Variants in LPP observed in about 807,000 individuals in gnomAD.
LPP encodes lipoma-preferred partner.
In LPP, 38 loss-of-function variants were observed where a neutral mutation model predicts 60.4. That is an observed-to-expected ratio of 0.63 (90% CI 0.49 to 0.83). LPP has a LOEUF of 0.83. Ranked by LOEUF, LPP falls within the 40% of genes least tolerant of loss-of-function variation. The pLI, the probability that LPP is intolerant of heterozygous loss-of-function variation, is 0.00. For synonymous variants in LPP, 328 were observed against 290.8 expected (o/e 1.13, Z -1.30); for missense variants, 902 against 783.6 (o/e 1.15, Z -1.80).
intron 7 of LPP, among the ~76,000 whole-genome samples, chr3:188,646,541 T>C (rs938415): frequency 0.93 from 141,734 of 152,266 alleles, 66,567 homozygotes; most frequent in East Asian, 1. Flanking sequence ...CTGAGGCCCG[T>C]AGGAGTCAGG....
At position 188,877,632 on chromosome 3, in the gene LPP, G is replaced by T; in HGVS notation, c.*3153G>T. 5.3e-6 allele frequency: 1 copy of T among 187,256 alleles called. No individual in the cohort carries two copies. The highest frequency in any genetic ancestry group is 1.1e-5 in the Non-Finnish European group (1 of 88,668). The allele number at this position is 187,256 out of a possible 1,614,324, so 11.6% of individuals were successfully genotyped here. ...AGGCTGAGACAGGAGGATTGCCTGAGGCCAGGAGTTTGACACCAGCCTGGG... is the reference window on the plus strand; with the variant it reads ...AGGCTGAGACAGGAGGATTGCCTGATGCCAGGAGTTTGACACCAGCCTGGG... On this transcript the variant is annotated 3_prime_UTR_variant, in exon 12 of 12. Coordinates refer to ENST00000617246, the MANE Select transcript of LPP (RefSeq NM_001375462.1).
At position 188,872,714 on chromosome 3, in the gene LPP, G is replaced by A. The variant is rs1467805710; in HGVS notation, c.1661G>A (p.Arg554His). The A allele has an allele frequency of 2.5e-6, 4 of 1,614,184 alleles. No individual in the cohort carries two copies. The highest frequency in any genetic ancestry group is 1.7e-5 in the Admixed American group (1 of 60,028). ...GCCCCGGGCCAGGAGGAGACTGTCC[G>A]TATTGTGGCTTTGGATCGAGATTTC... ...MPAPGQEETV[R>H]IVALDRDFHV... The change falls in exon 11 of 12, where the codon CGT (arginine) becomes CAT (histidine). Residue 554 changes from arginine (R) to histidine (H), a missense_variant. By Grantham distance (29) the Arg-to-His change is conservative. Transcript: ENST00000617246.
intron 9 of LPP, among the ~76,000 whole-genome samples, chr3:188,760,678 C>T (rs1374167918): frequency 6.6e-6 from 1 of 152,132 alleles, no homozygotes; most frequent in African/African-American, 2.4e-5. Context: ...TTGAAGTGCC[C>T]AGTAGTTTCA....
At chr3:188,770,620 G>A (rs912989856) in intron 9 of LPP, among the ~76,000 whole-genome samples, 2 of 152,158 alleles carry the variant, frequency 1.3e-5, no homozygotes, top group African/African-American at 4.8e-5. Context: ...TCTATTAGAA[G>A]AAAATGGACA....
intron 5 of LPP, among the ~76,000 whole-genome samples, chr3:188,511,798 T>C (rs563395080): frequency 6.6e-6 from 1 of 152,308 alleles, no homozygotes; most frequent in African/African-American, 2.4e-5. Context: ...TGAGCACTTC[T>C]CTGTGATAAT....
intron 7 of LPP, among the ~76,000 whole-genome samples, chr3:188,687,376 T>A (rs1247746764): frequency 6.6e-6 from 1 of 152,214 alleles, no homozygotes; most frequent in Non-Finnish European, 1.5e-5. Flanking sequence ...AACCTCATCT[T>A]GAATTGTGAT....
chr3:188,639,683 A>G (rs947440044), intron 7 of LPP, among the ~76,000 whole-genome samples: 4 of 151,392 alleles, frequency 2.6e-5, no homozygotes, highest in Non-Finnish European at 5.9e-5. Flanking sequence ...AAAAACAAAC[A>G]ACCCCATCAA....
chr3:188,320,347 C>T (rs1262929062), intron 2 of LPP, among the ~76,000 whole-genome samples: 1 of 152,144 alleles, frequency 6.6e-6, no homozygotes, highest in East Asian at 1.9e-4. Context: ...TTGGTTAGGA[C>T]CTGACGACAA....
chr3:188,246,121 G>A (rs1174704630), intron 2 of LPP, among the ~76,000 whole-genome samples: 1 of 151,750 alleles, frequency 6.6e-6, no homozygotes, highest in Non-Finnish European at 1.5e-5. Context: ...TCCCAGACAT[G>A]TTTCTCTATT....
chr3:188,529,795 CT>C (rs935445157), intron 6 of LPP, among the ~76,000 whole-genome samples: 1 of 152,124 alleles, frequency 6.6e-6, no homozygotes, highest in African/African-American at 2.4e-5. Flanking sequence ...CAGGTCTTTC[CT>C]TTAGAGTGAT....
At chr3:188,731,244 G>A (rs1320105653) in intron 8 of LPP, among the ~76,000 whole-genome samples, 1 of 152,098 alleles carries the variant, frequency 6.6e-6, no homozygotes, top group African/African-American at 2.4e-5. Flanking sequence ...TTTTTAAGAG[G>A]CCCTACCCTT....
At chr3:188,636,197 G>A (rs151237849) in intron 7 of LPP, among the ~76,000 whole-genome samples, 29,806 of 152,162 alleles carry the variant, frequency 0.2, 3,192 homozygotes, top group African/African-American at 0.28. Context: ...CAGTGGGTGC[G>A]CGCACCGTGT....
chr3:188,239,189 C>A lies in LPP; in HGVS notation c.-67+13662C>A, dbSNP rs190081767. Among the ~76,000 whole-genome samples the A allele has an allele frequency of 1.6e-4, 24 of 152,340 alleles. No individual in the cohort carries two copies. The East Asian group carries it at 4.6e-3, about 29-fold the overall frequency. On this transcript the variant is annotated intron_variant, in intron 2 of 11. Transcript: ENST00000617246. Reference sequence around the variant, plus strand: ...TCTCCACTCCGTTTCTCTGCCCCTGCGGCAGGCACACCTGCAGGGATGCCT... The same window carrying A: ...TCTCCACTCCGTTTCTCTGCCCCTGAGGCAGGCACACCTGCAGGGATGCCT...
intron 7 of LPP, among the ~76,000 whole-genome samples, chr3:188,680,315 T>C (rs73056800): frequency 0.038 from 5,849 of 152,246 alleles, 394 homozygotes; most frequent in African/African-American, 0.13. Flanking sequence ...ATTGTCTCAG[T>C]TCTCTGTGAC....
chr3:188,688,745 T>C (rs1861428367), intron 7 of LPP: 2 of 483,146 alleles, frequency 4.1e-6, no homozygotes, highest in African/African-American at 2.0e-5. Context: ...GTAGACAACA[T>C]GCTTGATGCT....
chr3:188,841,118 C>T (rs532419703), intron 9 of LPP, among the ~76,000 whole-genome samples: 2 of 152,140 alleles, frequency 1.3e-5, no homozygotes, highest in South Asian at 4.2e-4. Context: ...TTAAGACCAG[C>T]CAATTGATAG....
At chr3:188,587,478 AG>A (rs1257063274) in intron 6 of LPP, among the ~76,000 whole-genome samples, 8 of 152,336 alleles carry the variant, frequency 5.3e-5, no homozygotes, top group Middle Eastern at 3.4e-3. Context: ...GCAAAACCAG[AG>A]TGCCAGATGT....
At position 188,358,678 on chromosome 3, in the gene LPP, C is replaced by T. The variant is rs1339939938; in HGVS notation, c.-10+16959C>T. Among the ~76,000 whole-genome samples the T allele has an allele frequency of 4.0e-5, 6 of 151,536 alleles. No homozygotes were observed. In the East Asian group the frequency reaches 5.8e-4, roughly 15 times the overall value. Reference sequence around the variant, plus strand: ...AGCAGATTCTTTCCGAAAGAGTGTGCGCTGAGAAGTGGGGAGTGGAGAGGG... The same window carrying T: ...AGCAGATTCTTTCCGAAAGAGTGTGTGCTGAGAAGTGGGGAGTGGAGAGGG... On this transcript the variant is annotated intron_variant, in intron 3 of 11. Coordinates refer to ENST00000617246, the MANE Select transcript of LPP (RefSeq NM_001375462.1).
At chr3:188,519,749 A>C (rs1021727381) in intron 5 of LPP, among the ~76,000 whole-genome samples, 1 of 152,220 alleles carries the variant, frequency 6.6e-6, no homozygotes, top group Non-Finnish European at 1.5e-5. Context: ...TAGTGTGATG[A>C]AATGGTGGCC....
Sources: gnomAD v4.1 joint callset for allele counts (sites outside exome capture counted in the v4.1 genomes callset) on GRCh38, gnomAD v4.1.1 for gene constraint, MANE v1.5 for transcripts, NCBI Gene and HGNC (gene_info 2026-07-23, HGNC 2026-07-21) for gene names.